Variants in DIAPH2 observed in about 807,000 individuals in gnomAD.
DIAPH2 encodes diaphanous related formin 2.
DIAPH2 carries 35 observed loss-of-function variants against 92.7 expected under a neutral mutation model. The ratio of observed to expected loss-of-function variants is 0.38; its 90% confidence interval spans 0.29 to 0.50. DIAPH2 has a LOEUF of 0.50. DIAPH2 is among the 20% of genes least tolerant of loss of function. The pLI is 0.94. For synonymous variants in DIAPH2, 301 were observed against 280.4 expected (o/e 1.07, Z -0.73); for missense variants, 701 against 819.5 (o/e 0.86, Z 1.77).
chrX:97,078,959 A>G (rs978062824), intron 19 of DIAPH2, among the ~76,000 whole-genome samples: 2 of 110,965 alleles, frequency 1.8e-5, no homozygotes, highest in African/African-American at 6.6e-5. Flanking sequence ...AATGAGAAAG[A>G]GCGCATAAAA....
At chrX:97,434,483 A>G (rs1184395273) in intron 26 of DIAPH2, among the ~76,000 whole-genome samples, 1 of 105,311 alleles carries the variant, frequency 9.5e-6, no homozygotes, top group Non-Finnish European at 1.9e-5. Context: ...ATCTCCGCTC[A>G]CTGCAACCTC....
At chrX:97,591,194 C>G (rs1411591921) in intron 26 of DIAPH2, among the ~76,000 whole-genome samples, 1 of 111,931 alleles carries the variant, frequency 8.9e-6, no homozygotes, top group African/African-American at 3.3e-5. Flanking sequence ...ATCCCCCTAT[C>G]TTTTAAGGCT....
At chrX:97,181,447 T>C (rs1257270956) in intron 22 of DIAPH2, among the ~76,000 whole-genome samples, 3 of 111,715 alleles carry the variant, frequency 2.7e-5, no homozygotes, top group Non-Finnish European at 5.6e-5. Context: ...GTTTTGCTCT[T>C]GTTGCCCAGG....
At chrX:97,122,443 G>A (rs1414793788) in intron 21 of DIAPH2, among the ~76,000 whole-genome samples, 1 of 111,514 alleles carries the variant, frequency 9.0e-6, no homozygotes, top group African/African-American at 3.3e-5. Flanking sequence ...TTACAAATGA[G>A]GATCTGCTCT....
chrX:97,309,381 A>G (rs111448503), intron 23 of DIAPH2, among the ~76,000 whole-genome samples: 1,527 of 111,295 alleles, frequency 0.014, 22 homozygotes, highest in African/African-American at 0.047. Flanking sequence ...AATTACAGGC[A>G]TGAGCCACCG....
chrX:97,059,884 G>A (rs1184081797), intron 17 of DIAPH2, among the ~76,000 whole-genome samples: 1 of 111,429 alleles, frequency 9.0e-6, no homozygotes, highest in Non-Finnish European at 1.9e-5. Context: ...AACCTATGAT[G>A]TTCAAGGGTC....
At chrX:97,408,563 C>T (rs2069834002) in intron 25 of DIAPH2, among the ~76,000 whole-genome samples, 2 of 111,152 alleles carry the variant, frequency 1.8e-5, no homozygotes, top group African/African-American at 6.5e-5. Context: ...ATTATTAGAA[C>T]AGAATATTAT....
At chrX:97,329,355 C>T (rs2068977345) in intron 23 of DIAPH2, among the ~76,000 whole-genome samples, 1 of 111,942 alleles carries the variant, frequency 8.9e-6, no homozygotes, top group Non-Finnish European at 1.9e-5. Flanking sequence ...CCCCACCCAC[C>T]TCTCTAAAAT....
chrX:97,342,625 G>A (rs1275846998), intron 23 of DIAPH2, among the ~76,000 whole-genome samples: 1 of 111,793 alleles, frequency 8.9e-6, no homozygotes, highest in Non-Finnish European at 1.9e-5. Context: ...TGTGCCAGGC[G>A]CACGTCTAGG....
chrX:97,391,235 T>C lies in DIAPH2; in HGVS notation c.3145+7191T>C, dbSNP rs150739949. Among the ~76,000 whole-genome samples, 179 of 111,233 alleles carry C rather than the reference T, an allele frequency of 1.6e-3. 2 individuals are homozygous for C. The East Asian group carries it at 0.044, about 28-fold the overall frequency. On this transcript the variant is annotated intron_variant, in intron 25 of 26. Coordinates refer to ENST00000324765, the MANE Select transcript of DIAPH2 (RefSeq NM_006729.5). ...GAGAGTGTCTTATGAAAGATGCTCT[T>C]ATCAACTAGATGGAAGGCAGTTGTG...
At chrX:96,823,045 A>G (rs1254355777) in intron 4 of DIAPH2, among the ~76,000 whole-genome samples, 1 of 111,917 alleles carries the variant, frequency 8.9e-6, no homozygotes, top group Non-Finnish European at 1.9e-5. Context: ...AGAAATGACT[A>G]TTAAAAGAAT....
intron 17 of DIAPH2, among the ~76,000 whole-genome samples, chrX:97,057,505 T>C (rs2066565333): frequency 8.9e-6 from 1 of 111,860 alleles, no homozygotes; most frequent in Admixed American, 9.5e-5. Flanking sequence ...CTGGTCTGTC[T>C]GTACTTGGTG....
chrX:96,764,395 A>G (rs1170416385), intron 4 of DIAPH2, among the ~76,000 whole-genome samples: 1 of 111,038 alleles, frequency 9.0e-6, no homozygotes, highest in East Asian at 2.8e-4. Context: ...GTGTGGAGGC[A>G]GAGAAGAAGG....
Position 97,247,822 on chromosome X carries a change from T to C in DIAPH2, c.2827T>C (p.Phe943Leu). 8.3e-7 allele frequency: 1 copy of C among 1,209,496 alleles called. No individual in the cohort carries two copies. Among genetic ancestry groups the C allele is most frequent in the Non-Finnish European group, 1.1e-6 (1 of 894,126 alleles). ...FPQAENQHDK[F>L]VEKMTSFTKT... ...CCAAGCAGAAAATCAACACGATAAG[T>C]TTGTGGAAAAGATGACCATATCCTT... Residue 943 changes from phenylalanine (F) to leucine (L), a missense_variant, in exon 23 of 27, where the codon TTT becomes CTT. This residue lies in a region of DIAPH2 where 536 missense variants were observed against 599.3 expected (regional missense o/e 0.89). Transcript: ENST00000324765.
At chrX:97,436,550 A>C (rs1019137646) in intron 26 of DIAPH2, among the ~76,000 whole-genome samples, 1 of 112,154 alleles carries the variant, frequency 8.9e-6, no homozygotes, top group Admixed American at 9.5e-5. Flanking sequence ...GTTATACAAC[A>C]GAGAAAAAGA....
At chrX:97,468,632 CTT>C (rs2070535014) in intron 26 of DIAPH2, among the ~76,000 whole-genome samples, 1 of 33,502 alleles carries the variant, frequency 3.0e-5, no homozygotes, top group Non-Finnish European at 6.3e-5. Context: ...TTCGAAAGGT[CTT>C]TGTGAAAAAA....
intron 26 of DIAPH2, among the ~76,000 whole-genome samples, chrX:97,499,484 G>A (rs1429034950): frequency 9.0e-6 from 1 of 111,552 alleles, no homozygotes; most frequent in Non-Finnish European, 1.9e-5. Flanking sequence ...GGTGAGATTT[G>A]GGCTTCTAGT....
Position 97,047,984 on chromosome X carries a change from C to A in DIAPH2, c.2051-24957C>A, listed in dbSNP as rs777944999. Reference sequence around the variant, plus strand: ...TTTAAATAGGTATTAAATAGGTATTCAAATGATTTCCTTTCAAGCAAGACC... The same window carrying A: ...TTTAAATAGGTATTAAATAGGTATTAAAATGATTTCCTTTCAAGCAAGACC... On this transcript the variant is annotated intron_variant, in intron 17 of 26. Transcript: ENST00000324765. Among the ~76,000 whole-genome samples, 5 of 110,257 alleles carry A rather than the reference C, an allele frequency of 4.5e-5. No individual in the cohort carries two copies. The Admixed American group carries it at 4.8e-4, about 11-fold the overall frequency.
chrX:97,008,626 G>A lies in DIAPH2; in HGVS notation c.2050+43419G>A, dbSNP rs775993177. ...ATCTAAGTTTTTGGTCACTGCAGTC[G>A]TATCTTCACTAGGGGCATCCCAAGC... On this transcript the variant is annotated intron_variant, in intron 17 of 26. Transcript: ENST00000324765. Among the ~76,000 whole-genome samples, 4 of 111,795 alleles carry A rather than the reference G, an allele frequency of 3.6e-5. No individual in the cohort carries two copies. In the South Asian group the frequency reaches 1.1e-3, roughly 32 times the overall value.
Sources: gnomAD v4.1 joint callset for allele counts (sites outside exome capture counted in the v4.1 genomes callset) on GRCh38, gnomAD v4.1.1 for gene constraint, gnomAD v4.1.1 regional missense constraint, MANE v1.5 for transcripts, NCBI Gene and HGNC (gene_info 2026-07-23, HGNC 2026-07-21) for gene names.